TULP4: variants seen among roughly 807,000 people sequenced by gnomAD.
TULP4 encodes the protein tubby-related protein 4.
TULP4 carries 16 observed loss-of-function variants against 129.0 expected under a neutral mutation model. The ratio of observed to expected loss-of-function variants is 0.12; its 90% CI spans 0.08 to 0.19. TULP4 has a LOEUF of 0.19. TULP4 is among the 10% of genes least tolerant of loss of function. The pLI is 1.00. For synonymous variants in TULP4, 998 were observed against 854.0 expected, an observed-to-expected ratio of 1.17 and a Z score of -2.94; for missense variants, 1,842 against 2,059.1, an observed-to-expected ratio of 0.89 and a Z score of 2.04.
intron 3 of TULP4, among the ~76,000 whole-genome samples, chr6:158,433,437 A>G (rs1425065824): frequency 6.6e-6 from 1 of 152,228 alleles, no homozygotes; most frequent in African/African-American, 2.4e-5. Flanking sequence ...AAAAGTTGCT[A>G]GGCGCAGTGG....
intron 1 of TULP4, among the ~76,000 whole-genome samples, chr6:158,336,726 A>C (rs536347796): frequency 6.6e-6 from 1 of 152,316 alleles, no homozygotes; most frequent in African/African-American, 2.4e-5. Flanking sequence ...CAGAGAGATA[A>C]CTAACTATTC....
At chr6:158,425,548 G>A (rs1196813982) in intron 2 of TULP4, among the ~76,000 whole-genome samples, 21 of 147,316 alleles carry the variant, frequency 1.4e-4, no homozygotes, top group African/African-American at 2.3e-4. Flanking sequence ...GGCAGCCGAC[G>A]CAAGTGTAAA....
chr6:158,504,250 A>C, intron 13 of TULP4, 72 bp downstream of exon 13: 1 of 1,276,004 alleles, frequency 7.8e-7, no homozygotes, highest in South Asian at 1.5e-5. Context: ...TTCAAGGAGC[A>C]TTTTTCAAAA....
intron 2 of TULP4, among the ~76,000 whole-genome samples, chr6:158,417,877 A>G (rs761733669): frequency 6.6e-6 from 1 of 152,190 alleles, no homozygotes; most frequent in African/African-American, 2.4e-5. Flanking sequence ...TTGGAACAGT[A>G]CATGCATTAT....
intron 1 of TULP4, among the ~76,000 whole-genome samples, chr6:158,294,208 A>G (rs1049346023): frequency 2.0e-5 from 3 of 152,082 alleles, no homozygotes; most frequent in African/African-American, 7.2e-5. Flanking sequence ...TACTAAAAAT[A>G]CAAACATTAG....
rs1391148049 is a variant in TULP4, at chr6:158,314,714, G to A, written c.252+446G>A. 3.9e-5 allele frequency among the ~76,000 whole-genome samples: 6 copies of A among 152,342 alleles called. No individual in the cohort carries two copies. The East Asian group carries it at 9.6e-4, about 24-fold the overall frequency. ...AGTGGTGCTGCCTTTACCTTGCACG[G>A]TTAACATCTACGTTCCTTTGGTGAT... On this transcript the variant is annotated intron_variant, in intron 1 of 13. Transcript: ENST00000367097.
intron 6 of TULP4, among the ~76,000 whole-genome samples, chr6:158,474,303 C>T (rs574736082): frequency 2.6e-4 from 40 of 152,324 alleles, no homozygotes; most frequent in African/African-American, 8.9e-4. Flanking sequence ...AATCTGCCTC[C>T]TCGGTGGCCG....
chr6:158,503,257 C>A lies in TULP4; in HGVS notation c.3594C>A (p.Pro1198=). 1 of 1,614,032 alleles carries A rather than the reference C, an allele frequency of 6.2e-7. No individual in the cohort carries two copies. The highest frequency in any genetic ancestry group is 8.5e-7 in the Non-Finnish European group (1 of 1,180,016). ...GVPYPGSYNN[P]PLPGVQAPCS... ...CATATCCAGGAAGCTATAACAACCC[C>A]CCTTTGCCTGGAGTGCAGGCTCCCT... is the stretch of plus-strand genomic sequence containing the variant. Residue 1198 remains proline, a synonymous_variant, in exon 13 of 14, where the codon CCC becomes CCA. Coordinates refer to ENST00000367097, the MANE Select transcript of TULP4 (RefSeq NM_020245.5). The surrounding 1 kb of genome is among the most constrained non-coding windows in gnomAD (Gnocchi z 4.3).
rs150993431 is a variant in TULP4, at chr6:158,270,501, A to G, written n.68+38198A>G. ...CTTCGATGAGTTTTGCATTGTCAGC[A>G]CCCGGCCTGTTCGGCCTGTGGTGGG... On this transcript the variant is annotated intron_variant and non_coding_transcript_variant, in intron 1 of 1. Coordinates refer to the TULP4 transcript ENST00000620026. 7.9e-5 allele frequency among the ~76,000 whole-genome samples: 12 copies of G among 152,140 alleles called. No homozygotes were observed. The East Asian group carries it at 2.3e-3, about 29-fold the overall frequency.
intron 12 of TULP4, among the ~76,000 whole-genome samples, chr6:158,499,990 A>G (rs1780407872): frequency 6.6e-6 from 1 of 152,024 alleles, no homozygotes; most frequent in Non-Finnish European, 1.5e-5. Context: ...AAATACCTGT[A>G]GTTTGGTGAA....
chr6:158,304,131 T>G (rs148944962), intron 1 of TULP4, among the ~76,000 whole-genome samples: 36 of 152,222 alleles, frequency 2.4e-4, no homozygotes, highest in African/African-American at 8.7e-4. Flanking sequence ...TAATGAAGAT[T>G]TATTGGTTGA....
upstream of TULP4, among the ~76,000 whole-genome samples, chr6:158,279,064 C>T (rs1410672839): frequency 8.8e-5 from 5 of 56,714 alleles, no homozygotes; most frequent in East Asian, 6.5e-4. Flanking sequence ...CTCAGCCTCC[C>T]GAGTAGCTGG....
chr6:158,489,746 T>C lies in TULP4; in HGVS notation c.1631+14T>C, dbSNP rs773392103. On this transcript the variant is annotated intron_variant, in intron 9 of 13. Coordinates refer to ENST00000367097, the MANE Select transcript of TULP4 (RefSeq NM_020245.5). ...CAAACTCCCAAGGTAATCTCAGTCTTTGGGGAGATCGTCCTTTCTTGTGCC... is the reference window on the plus strand; with the variant it reads ...CAAACTCCCAAGGTAATCTCAGTCTCTGGGGAGATCGTCCTTTCTTGTGCC... The C allele has an allele frequency of 5.6e-6, 9 of 1,614,124 alleles. No homozygotes were observed. Among genetic ancestry groups the C allele is most frequent in the Non-Finnish European group, 5.1e-6 (6 of 1,180,000 alleles).
intron 1 of TULP4, among the ~76,000 whole-genome samples, chr6:158,236,543 C>G (rs1421686890): frequency 6.6e-6 from 1 of 152,056 alleles, no homozygotes; most frequent in Non-Finnish European, 1.5e-5. Flanking sequence ...CTCTTTATCA[C>G]ATGATATTTC....
chr6:158,379,979 G>C (rs906833454), intron 1 of TULP4, among the ~76,000 whole-genome samples: 1 of 152,148 alleles, frequency 6.6e-6, no homozygotes, highest in Non-Finnish European at 1.5e-5. Context: ...GCTGGGATAG[G>C]CTGGTAGCAG....
intron 4 of TULP4, 46 bp downstream of exon 4, chr6:158,449,222 G>A (rs1779115022): frequency 1.3e-6 from 2 of 1,574,294 alleles, no homozygotes; most frequent in Non-Finnish European, 8.6e-7. Flanking sequence ...GAAGGACAAG[G>A]AAGGGCATCG....
chr6:158,404,709 G>T (rs1323433453), intron 1 of TULP4, among the ~76,000 whole-genome samples: 1 of 151,058 alleles, frequency 6.6e-6, no homozygotes, highest in African/African-American at 2.4e-5. Context: ...CCAGGAGGTG[G>T]AGGTTGCAGC....
At chr6:158,403,298 A>G (rs1163968059) in intron 1 of TULP4, among the ~76,000 whole-genome samples, 6 of 152,140 alleles carry the variant, frequency 3.9e-5, no homozygotes, top group Non-Finnish European at 1.5e-5. Context: ...TACCAGGATA[A>G]GTTCCTTGTG....
chr6:158,454,210 G>A (rs1779240953), intron 5 of TULP4, among the ~76,000 whole-genome samples: 1 of 152,156 alleles, frequency 6.6e-6, no homozygotes, highest in Admixed American at 6.5e-5. Flanking sequence ...CCTGGTAGGA[G>A]TTGAGTACAT....
Sources: gnomAD v4.1 joint callset for allele counts (sites outside exome capture counted in the v4.1 genomes callset) on GRCh38, gnomAD v4.1.1 for gene constraint, Gnocchi (gnomAD v3.1) non-coding constraint, MANE v1.5 for transcripts, NCBI Gene and HGNC (gene_info 2026-07-23, HGNC 2026-07-21) for gene names.